The following XXYLT1 variants were observed in gnomAD, a reference collection of about 807,000 sequenced individuals.
The protein encoded by XXYLT1 is UDP-xylose:alpha-xyloside alpha-1,3-xylosyltransferase.
A neutral mutation model predicts 28.9 loss-of-function variants in XXYLT1; 20 were observed. The observed-to-expected ratio is 0.69, with a 90% CI of 0.49 to 1.00. The LOEUF (loss-of-function observed/expected upper bound fraction) is 1.00. Ranked by LOEUF, XXYLT1 falls within the 50% of genes least tolerant of loss-of-function variation. XXYLT1 has a pLI of 0.00. For synonymous variants in XXYLT1, 257 were observed against 253.8 expected (o/e 1.01, Z -0.12); for missense variants, 542 against 560.1 (o/e 0.97, Z 0.33).
chr3:195,254,480 C>T (rs1031780969), intron 1 of XXYLT1, among the ~76,000 whole-genome samples: 3 of 152,264 alleles, frequency 2.0e-5, no homozygotes, highest in Admixed American at 6.5e-5. Context: ...TTGCTCAGCA[C>T]GTCCACGGGG....
chr3:195,184,239 A>G (rs1722077002), intron 2 of XXYLT1, among the ~76,000 whole-genome samples: 1 of 152,190 alleles, frequency 6.6e-6, no homozygotes, highest in African/African-American at 2.4e-5. Flanking sequence ...CAAAAGAACA[A>G]TGGACAAGCT....
chr3:195,081,218 T>TA (rs111237694), intron 3 of XXYLT1, among the ~76,000 whole-genome samples: 30,634 of 144,330 alleles, frequency 0.21, 3,785 homozygotes, highest in African/African-American at 0.35. Flanking sequence ...AGAATCACAC[T>TA]AAAAAAAAAA....
Position 195,230,482 on chromosome 3 carries a change from C to A in XXYLT1, c.505-3626G>T, listed in dbSNP as rs138448186. On this transcript the variant is annotated intron_variant, in intron 1 of 3. Coordinates refer to ENST00000310380, the MANE Select transcript of XXYLT1 (RefSeq NM_152531.5). ...CCAAGTCCAATGTCCTGGAGAGTTTCCCCCAATGTTTTCTTTTGGTAGTGT... is the reference window on the plus strand; with the variant it reads ...CCAAGTCCAATGTCCTGGAGAGTTTACCCCAATGTTTTCTTTTGGTAGTGT... Among the ~76,000 whole-genome samples the A allele has an allele frequency of 1.6e-3, 238 of 152,244 alleles. 1 individual carries two copies. Among genetic ancestry groups the A allele is most frequent in the Non-Finnish European group, 2.8e-3 (188 of 68,004 alleles).
intron 2 of XXYLT1, among the ~76,000 whole-genome samples, chr3:195,171,673 G>A (rs562574654): frequency 3.3e-5 from 5 of 152,316 alleles, no homozygotes; most frequent in South Asian, 4.1e-4. Context: ...AGGCAGAGAC[G>A]CCATGCCCTG....
intron 2 of XXYLT1, among the ~76,000 whole-genome samples, chr3:195,202,701 A>G (rs566216789): frequency 1.3e-5 from 2 of 152,352 alleles, no homozygotes; most frequent in East Asian, 3.9e-4. Flanking sequence ...CTAAGAGGAT[A>G]TCTTGAGACT....
At chr3:195,164,748 A>T (rs1171837838) in intron 2 of XXYLT1, among the ~76,000 whole-genome samples, 1 of 152,250 alleles carries the variant, frequency 6.6e-6, no homozygotes, top group East Asian at 1.9e-4. Flanking sequence ...CTCTTGTGTG[A>T]CCATGACCTT....
chr3:195,163,745 C>G (rs896991087), intron 2 of XXYLT1, among the ~76,000 whole-genome samples: 4 of 152,220 alleles, frequency 2.6e-5, no homozygotes, highest in African/African-American at 9.7e-5. Flanking sequence ...GGCATGGCTG[C>G]TCCATGAAGT....
Position 195,257,550 on chromosome 3 carries a change from T to C in XXYLT1, c.504+13005A>G, listed in dbSNP as rs554724655. On this transcript the variant is annotated intron_variant, in intron 1 of 3. Transcript: ENST00000310380. The surrounding 1 kb of genome is among the most constrained non-coding windows in gnomAD (Gnocchi z 4.3). ...TGAGCAAAGTCCCAGAGATGGGAAG[T>C]GGCCGGGGTACACCACAACCCCAGG... Among the ~76,000 whole-genome samples, 1 of 152,140 alleles carries C rather than the reference T, an allele frequency of 6.6e-6. No homozygotes were observed.
intron 1 of XXYLT1, among the ~76,000 whole-genome samples, chr3:195,249,426 G>T (rs773910418): frequency 1.3e-5 from 2 of 152,186 alleles, no homozygotes; most frequent in African/African-American, 4.8e-5. Flanking sequence ...CGCATGGCAC[G>T]TGACAGGCAC....
rs1721649698 is a variant in XXYLT1, at chr3:195,176,022, C to T, written c.653-19441G>A. Among the ~76,000 whole-genome samples the T allele has an allele frequency of 6.6e-6, 1 of 152,206 alleles. No individual in the cohort carries two copies. Among genetic ancestry groups the T allele is most frequent in the Non-Finnish European group, 1.5e-5 (1 of 68,036 alleles). On this transcript the variant is annotated intron_variant, in intron 2 of 3. Transcript: ENST00000310380. This position sits in a 1 kb window ranked among gnomAD's most constrained non-coding sequence, Gnocchi z 4.9. Reference sequence around the variant, plus strand: ...CGTAGCAGCTTAAGTCAAGTAGACACAATCTTTTTTCTGCCCACACACCTA... The same window carrying T: ...CGTAGCAGCTTAAGTCAAGTAGACATAATCTTTTTTCTGCCCACACACCTA...
At position 195,140,364 on chromosome 3, in the gene XXYLT1, C is replaced by T. The variant is rs540848670; in HGVS notation, c.785+16085G>A. On this transcript the variant is annotated intron_variant, in intron 3 of 3. Coordinates refer to ENST00000310380, the MANE Select transcript of XXYLT1 (RefSeq NM_152531.5). ...CCAAATACCAGCTCCGGAGGTGGCA[C>T]GGACTAGCAGAGGATGTGGGAGGCA... is the stretch of plus-strand genomic sequence containing the variant. Among the ~76,000 whole-genome samples the T allele has an allele frequency of 4.6e-5, 7 of 152,278 alleles. No individual in the cohort carries two copies. The East Asian group carries it at 7.7e-4, about 17-fold the overall frequency.
rs142853679 is a variant in XXYLT1 at position 195,115,114 on chromosome 3, T to A, written c.785+41335A>T. 4.6e-5 allele frequency among the ~76,000 whole-genome samples: 7 copies of A among 152,318 alleles called. No homozygotes were observed. The highest frequency in any genetic ancestry group is 1.7e-4 in the African/African-American group (7 of 41,570). On this transcript the variant is annotated intron_variant, in intron 3 of 3. Coordinates refer to ENST00000310380, the MANE Select transcript of XXYLT1 (RefSeq NM_152531.5). The surrounding 1 kb of genome is among the most constrained non-coding windows in gnomAD (Gnocchi z 4.2). ...AACGAGGGAAACTAAGCTTCCCAGA[T>A]GCCCAAACGGCGAGAGCTCGGGACG... is the stretch of plus-strand genomic sequence containing the variant.
chr3:195,102,541 G>A (rs747792486), intron 3 of XXYLT1, among the ~76,000 whole-genome samples: 1 of 152,006 alleles, frequency 6.6e-6, no homozygotes, highest in Non-Finnish European at 1.5e-5. Context: ...GAGATCATGC[G>A]ACATATTTTT....
In XXYLT1 at chr3:195,257,649, C is replaced by T. The variant is rs1259455182; in HGVS notation, c.504+12906G>A. On this transcript the variant is annotated intron_variant, in intron 1 of 3. Coordinates refer to ENST00000310380, the MANE Select transcript of XXYLT1 (RefSeq NM_152531.5). This position sits in a 1 kb window ranked among gnomAD's most constrained non-coding sequence, Gnocchi z 4.3. ...GCCGGCACGGGCCCCGTAGCTCTCC[C>T]TGTGGCTCCCGCTCCAGAGTCCTGG... 6.6e-6 allele frequency among the ~76,000 whole-genome samples: 1 copy of T among 152,150 alleles called. No homozygotes were observed. The highest frequency in any genetic ancestry group is 2.4e-5 in the African/African-American group (1 of 41,438).
At chr3:195,149,476 G>T (rs140202997) in intron 3 of XXYLT1, among the ~76,000 whole-genome samples, 32 of 152,328 alleles carry the variant, frequency 2.1e-4, no homozygotes, top group African/African-American at 7.7e-4. Context: ...CAAAGGGCCA[G>T]ATGTTCACCC....
intron 1 of XXYLT1, among the ~76,000 whole-genome samples, chr3:195,264,935 T>C (rs1039366704): frequency 6.6e-6 from 1 of 152,096 alleles, no homozygotes; most frequent in Non-Finnish European, 1.5e-5. Context: ...CACATGCCTG[T>C]AGTTCTAGCT....
rs1018878538 is a variant in XXYLT1 at position 195,254,680 on chromosome 3, G to T, written c.504+15875C>A. Among the ~76,000 whole-genome samples the T allele has an allele frequency of 7.9e-5, 12 of 152,314 alleles. No individual in the cohort carries two copies. The South Asian group carries it at 1.7e-3, about 21-fold the overall frequency. ...AGCCACTGAGCAGGACCATGAGGTGGCATGCTAAAGCTGGGCACAGCCACC... is the reference window on the plus strand; with the variant it reads ...AGCCACTGAGCAGGACCATGAGGTGTCATGCTAAAGCTGGGCACAGCCACC... On this transcript the variant is annotated intron_variant, in intron 1 of 3. Transcript: ENST00000310380.
At position 195,271,135 on chromosome 3, in the gene XXYLT1, AG is replaced by A. The variant is rs1475902668; in HGVS notation, c.-78del. On this transcript the variant is annotated 5_prime_UTR_variant, in exon 1 of 4. An upstream open reading frame in the 5' UTR loses its in-frame stop. Coordinates refer to ENST00000310380, the MANE Select transcript of XXYLT1 (RefSeq NM_152531.5). ...GGTACCCGGACGCCGGCGGCCACTT[AG>A]CCCCGGCGCCAGGCGGCGGCCATGA... 2.4e-6 allele frequency: 3 copies of A among 1,261,142 alleles called. No homozygotes were observed. The highest frequency in any genetic ancestry group is 3.0e-6 in the Non-Finnish European group (3 of 1,005,170). 78.1% of individuals were successfully genotyped at this position (1,261,142 alleles called of 1,614,324 possible).
At chr3:195,148,339 C>G (rs1465275028) in intron 3 of XXYLT1, among the ~76,000 whole-genome samples, 1 of 152,166 alleles carries the variant, frequency 6.6e-6, no homozygotes, top group Non-Finnish European at 1.5e-5. Context: ...GCCCAGTTTT[C>G]TAACTCCCAG....
Sources: allele counts gnomAD v4.1 joint callset (sites outside exome capture counted in the v4.1 genomes callset), GRCh38; gene constraint gnomAD v4.1.1; non-coding constraint Gnocchi (gnomAD v3.1); transcripts MANE v1.5; gene names NCBI Gene and HGNC (gene_info 2026-07-23, HGNC 2026-07-21).